The following PUF60 variants were observed in gnomAD, a reference collection of about 807,000 sequenced individuals.
The protein encoded by PUF60 is poly(U) binding splicing factor 60.
PUF60 carries 10 observed loss-of-function variants against 61.8 expected under a neutral mutation model. The ratio of observed to expected loss-of-function variants is 0.16; its 90% confidence interval spans 0.10 to 0.27. The LOEUF (loss-of-function observed/expected upper bound fraction) is 0.27. Among genes scored for constraint, PUF60 ranks in the 10% least tolerant of loss-of-function variants. The probability of loss-of-function intolerance (pLI) is 1.00; values close to 1 mark genes in which losing one functional copy is unlikely to be tolerated. For missense variants in PUF60, 371 were observed against 754.0 expected (o/e 0.49, Z 5.95); for synonymous variants, 353 against 300.9 (o/e 1.17, Z -1.79).
chr8:143,817,974 C>A lies in PUF60; in HGVS notation c.705G>T (p.Gln235His). The A allele has an allele frequency of 6.2e-7, 1 of 1,612,970 alleles. No individual in the cohort carries two copies. The highest frequency in any genetic ancestry group is 8.5e-7 in the Non-Finnish European group (1 of 1,179,874). Residue 235 changes from glutamine (Q) to histidine (H), a missense_variant, in exon 8 of 12, where the codon CAG becomes CAT. Gln to His is a conservative substitution (Grantham distance 24). Transcript: ENST00000526683. The surrounding 1 kb of genome is among the most constrained non-coding windows in gnomAD (Gnocchi z 7.4). ...TCTTGATGTCATCGTCTGAGAGGTC[C>A]TGGTGCACAGAGGCCACGTAGATGC... ...FNRIYVASVH[Q>H]DLSDDDIKSV... is the part of the protein sequence containing the mutation.
chr8:143,819,053 C>T (rs1421726768), intron 5 of PUF60: 1 of 154,850 alleles, frequency 6.5e-6, no homozygotes, highest in Non-Finnish European at 1.4e-5. Context: ...GATGGGGGCT[C>T]CCTGAAGAGA....
At chr8:143,828,156 T>C (rs1182530614) in intron 1 of PUF60, among the ~76,000 whole-genome samples, 1 of 152,304 alleles carries the variant, frequency 6.6e-6, no homozygotes, top group African/African-American at 2.4e-5. Flanking sequence ...CTGGGTATCT[T>C]GTGTAAATGC....
rs1364124066 is a variant in PUF60 at position 143,816,836 on chromosome 8, A to G, written c.1381-17T>C. Reference sequence around the variant, plus strand: ...CACTGTAGACTGTGGGGCAGGGCCGAGGGGAAGACAGCTGAGCACTGCGGC... The same window carrying G: ...CACTGTAGACTGTGGGGCAGGGCCGGGGGGAAGACAGCTGAGCACTGCGGC... On this transcript the variant is annotated splice_polypyrimidine_tract_variant and intron_variant, in intron 11 of 11. Coordinates refer to ENST00000526683, the MANE Select transcript of PUF60 (RefSeq NM_078480.3). The G allele has an allele frequency of 6.2e-7, 1 of 1,608,834 alleles. No homozygotes were observed. The highest frequency in any genetic ancestry group is 8.5e-7 in the Non-Finnish European group (1 of 1,177,280).
In PUF60 at chr8:143,816,550, C is replaced by T. The variant is rs1178772756; in HGVS notation, c.1650G>A (p.Glu550=). Residue 550 remains glutamate (E), a synonymous_variant, in exon 12 of 12, where the codon GAG becomes GAA. Transcript: ENST00000526683. ...RKVVAEVYDQ[E]RFDNSDLSA The stretch of plus-strand genomic sequence containing the variant: ...CAGAGAGGTCACTGTTATCAAAACG[C>T]TCCTGGTCGTACACTTCAGCCACCA... 2 of 1,612,786 alleles carry T rather than the reference C, an allele frequency of 1.2e-6. No homozygotes were observed. The highest frequency in any genetic ancestry group is 1.7e-5 in the Admixed American group (1 of 59,938).
intron 1 of PUF60, chr8:143,827,624 A>G (rs1249289359): frequency 2.8e-6 from 1 of 353,484 alleles, no homozygotes; most frequent in Non-Finnish European, 5.6e-6. Flanking sequence ...AAGCCTTTCC[A>G]TCCCAATGAT....
At position 143,816,839 on chromosome 8, in the gene PUF60, G is replaced by A. The variant is rs375400357; in HGVS notation, c.1381-20C>T. 85 of 1,608,666 alleles carry A rather than the reference G, an allele frequency of 5.3e-5. No individual in the cohort carries two copies. In the East Asian group the frequency reaches 1.5e-3, roughly 27 times the overall value. ...TGTAGACTGTGGGGCAGGGCCGAGG[G>A]GAAGACAGCTGAGCACTGCGGCCCC... On this transcript the variant is annotated intron_variant, in intron 11 of 11. Coordinates refer to ENST00000526683, the MANE Select transcript of PUF60 (RefSeq NM_078480.3).
intron 1 of PUF60, chr8:143,828,913 C>T (rs912491363): frequency 1.0e-6 from 1 of 986,264 alleles, no homozygotes. Context: ...CCCCCAGAAC[C>T]CCGCTTCCGT....
At chr8:143,826,509 G>A (rs1054733465) in intron 1 of PUF60, among the ~76,000 whole-genome samples, 14 of 152,198 alleles carry the variant, frequency 9.2e-5, no homozygotes, top group Admixed American at 6.5e-5. Context: ...GAGGTCAGGA[G>A]TTGGAGACCA....
chr8:143,829,022 A>T, intron 1 of PUF60: 5 of 999,002 alleles, frequency 5.0e-6, no homozygotes, highest in Non-Finnish European at 6.0e-6. Flanking sequence ...GCTCGCCCGC[A>T]AGGGCCACAC....
In PUF60 at chr8:143,816,500, T is replaced by C. The variant is rs771172302; in HGVS notation, c.*20A>G. The stretch of plus-strand genomic sequence containing the variant: ...AGAGGAAACAAGGAACAAGTGCAAG[T>C]CCGGGGAGAGGGACCACTGTCACGC... On this transcript the variant is annotated 3_prime_UTR_variant, in exon 12 of 12. Coordinates refer to ENST00000526683, the MANE Select transcript of PUF60 (RefSeq NM_078480.3). The C allele has an allele frequency of 1.3e-6, 2 of 1,591,554 alleles. No individual in the cohort carries two copies. Among genetic ancestry groups the C allele is most frequent in the Non-Finnish European group, 1.7e-6 (2 of 1,168,682 alleles).
At chr8:143,824,260 GGGCGGGCGGGCA>G (rs879700627) in intron 2 of PUF60, 41 bp downstream of exon 2, 22,427 of 1,497,350 alleles carry the variant, frequency 0.015, 217 homozygotes, top group African/African-American at 0.017. Context: ...GCAGGCGGGC[GGGCGGGCGGGCA>G]GGCGGGCGGG....
At chr8:143,827,298 G>A (rs977718191) in intron 1 of PUF60, 1 of 450,966 alleles carries the variant, frequency 2.2e-6, no homozygotes, top group South Asian at 1.6e-5. Flanking sequence ...CCCCAAGGGT[G>A]ATGACCCCAA....
intron 1 of PUF60, chr8:143,828,955 G>C: frequency 3.0e-6 from 3 of 988,686 alleles, no homozygotes; most frequent in Non-Finnish European, 2.4e-6. Context: ...CGTCGGCAAA[G>C]GGAGGACGAC....
At chr8:143,827,682 C>A in intron 1 of PUF60, 1 of 317,336 alleles carries the variant, frequency 3.2e-6, no homozygotes, top group Non-Finnish European at 6.2e-6. Context: ...CTCCTGGAGC[C>A]GGATGCAAGC....
chr8:143,820,437 G>A (rs1343727221), intron 5 of PUF60: 6 of 582,786 alleles, frequency 1.0e-5, no homozygotes, highest in South Asian at 6.0e-5. Context: ...TTACCTGGCC[G>A]ATTAGTTTTA....
Position 143,817,242 on chromosome 8 carries a change from C to T in PUF60, c.1144+89G>A. On this transcript the variant is annotated intron_variant, in intron 10 of 11. Coordinates refer to ENST00000526683, the MANE Select transcript of PUF60 (RefSeq NM_078480.3). This position sits in a 1 kb window ranked among gnomAD's most constrained non-coding sequence, Gnocchi z 7.4. ...CTGCCCTGGGCTCAGAGGGTTGTGC[C>T]CAGACCACCAGGGCCAGGCAGCTGA... is the stretch of plus-strand genomic sequence containing the variant. 6.5e-7 allele frequency: 1 copy of T among 1,527,492 alleles called. No homozygotes were observed. Among genetic ancestry groups the T allele is most frequent in the Non-Finnish European group, 8.8e-7 (1 of 1,139,050 alleles). 94.6% of individuals were successfully genotyped at this position (1,527,492 alleles called of 1,614,324 possible).
rs1817395695 is a variant in PUF60 at position 143,824,344 on chromosome 8, A to ACCACTGCCG, written c.71_79dup (p.Ala24_Val26dup). ...AGGTTTCCATTTGTCTCCCGCTGCC[A>ACCACTGCCG]CCACTGCCGCCGCCGCCGCCGGCTC... On this transcript the variant is annotated inframe_insertion, in exon 2 of 12. Transcript: ENST00000526683. 1.2e-6 allele frequency: 2 copies of ACCACTGCCG among 1,612,304 alleles called. No homozygotes were observed. The highest frequency in any genetic ancestry group is 2.7e-5 in the African/African-American group (2 of 74,894).
In PUF60 at chr8:143,817,775, C is replaced by A; in HGVS notation, c.825G>T (p.Glu275Asp). 1.9e-6 allele frequency: 3 copies of A among 1,610,718 alleles called. No homozygotes were observed. In the South Asian group the frequency reaches 3.3e-5, roughly 18 times the overall value. The change falls in exon 9 of 12, where the codon GAG (glutamate) becomes GAT (aspartate). Residue 275 changes from glutamate (E) to aspartate (D), a missense_variant. This residue lies in a region of PUF60 where 24 missense variants were observed against 35.0 expected (regional missense o/e 0.68). Coordinates refer to ENST00000526683, the MANE Select transcript of PUF60 (RefSeq NM_078480.3). The surrounding 1 kb of genome is among the most constrained non-coding windows in gnomAD (Gnocchi z 7.4). ...KHKGYGFIEYEKAQSSQDAVS... is the reference protein window; with the variant it reads ...KHKGYGFIEYDKAQSSQDAVS... ...CAGCATCTTGGGACGACTGGGCCTT[C>A]TCGTACTCTGTGGGCAGGAGCAGCA...
chr8:143,816,384 C>G lies in PUF60; in HGVS notation c.*136G>C, dbSNP rs1816275963. 3.0e-6 allele frequency: 3 copies of G among 993,614 alleles called. No homozygotes were observed. Among genetic ancestry groups the G allele is most frequent in the Non-Finnish European group, 4.3e-6 (3 of 693,506 alleles). The allele number at this position is 993,614 out of a possible 1,614,324, so 61.5% of individuals were successfully genotyped here. A position where few individuals can be genotyped will look rare whatever the true frequency, so the allele number is the denominator to read the frequency against. On this transcript the variant is annotated 3_prime_UTR_variant, in exon 12 of 12. Transcript: ENST00000526683. ...ACGGCAGACACACGGACGTTCAGGG[C>G]CAGCAGCATCCGCACCTTTATCCGC...
Sources: allele counts gnomAD v4.1 joint callset (sites outside exome capture counted in the v4.1 genomes callset), GRCh38; gene constraint gnomAD v4.1.1; regional missense constraint gnomAD v4.1.1; non-coding constraint Gnocchi (gnomAD v3.1); transcripts MANE v1.5; gene names NCBI Gene and HGNC (gene_info 2026-07-23, HGNC 2026-07-21).